CWC27: variants seen among roughly 807,000 people sequenced by gnomAD.
CWC27 encodes the protein spliceosome-associated protein CWC27 homolog.
In CWC27, 47 loss-of-function variants were observed where a neutral mutation model predicts 63.6. The observed-to-expected ratio is 0.74, with a 90% CI of 0.58 to 0.94. The LOEUF (loss-of-function observed/expected upper bound fraction) is 0.94, where lower values mean the gene tolerates loss of function less well. Ranked by LOEUF, CWC27 falls within the 40% of genes least tolerant of loss-of-function variation. The pLI, the probability that CWC27 is intolerant of heterozygous loss-of-function variation, is 0.00. For missense variants in CWC27, 495 were observed against 554.3 expected (o/e 0.89, Z 1.07); for synonymous variants, 175 against 179.8 (o/e 0.97, Z 0.22).
rs147441355 is a variant in CWC27, at chr5:65,009,456, T to A, written c.1257-8703T>A. On this transcript the variant is annotated intron_variant, in intron 13 of 13. Transcript: ENST00000381070. ...ATAAGCACAGTTTATATGCAACACA[T>A]AGACACACTATTATGGACTGAATTG... Among the ~76,000 whole-genome samples, 3 of 152,328 alleles carry A rather than the reference T, an allele frequency of 2.0e-5. No individual in the cohort carries two copies. In the East Asian group the frequency reaches 5.8e-4, roughly 29 times the overall value.
At chr5:64,966,806 T>C (rs1749022216) in intron 11 of CWC27, among the ~76,000 whole-genome samples, 1 of 152,140 alleles carries the variant, frequency 6.6e-6, no homozygotes, top group African/African-American at 2.4e-5. Context: ...GTTGATGCTA[T>C]TGATAATAGG....
At chr5:64,821,283 C>T (rs568442566) in intron 10 of CWC27, among the ~76,000 whole-genome samples, 1 of 152,196 alleles carries the variant, frequency 6.6e-6, no homozygotes, top group South Asian at 2.1e-4. Flanking sequence ...CGGGGTTTCA[C>T]CACGTTGGCC....
intron 13 of CWC27, among the ~76,000 whole-genome samples, chr5:64,979,240 A>C (rs1749288078): frequency 6.6e-6 from 1 of 152,256 alleles, no homozygotes; most frequent in African/African-American, 2.4e-5. Flanking sequence ...GTGGGGAACA[A>C]GTTAAAGGAA....
chr5:64,769,331 G>A, intron 1 of CWC27, 143 bp downstream of exon 1: 1 of 723,942 alleles, frequency 1.4e-6, no homozygotes, highest in Non-Finnish European at 2.5e-6. Context: ...TGTGGACAAT[G>A]TTGCATCGAA....
chr5:64,801,774 T>C (rs1216913720), intron 9 of CWC27, among the ~76,000 whole-genome samples: 1 of 152,192 alleles, frequency 6.6e-6, no homozygotes, highest in East Asian at 1.9e-4. Context: ...AAGAGTGTAG[T>C]GATCTTTATT....
chr5:64,847,008 A>AAG (rs1554072338), intron 10 of CWC27, among the ~76,000 whole-genome samples: 1 of 151,608 alleles, frequency 6.6e-6, no homozygotes, highest in Non-Finnish European at 1.5e-5. Context: ...AAAAAAAAAA[A>AAG]AAAGAAAAAG....
intron 13 of CWC27, among the ~76,000 whole-genome samples, chr5:64,990,620 AGT>A (rs1749522366): frequency 6.6e-6 from 1 of 152,162 alleles, no homozygotes; most frequent in South Asian, 2.1e-4. Context: ...TCTAATTTCC[AGT>A]ATAGGAAATT....
At chr5:64,789,550 G>A (rs907524757) in intron 7 of CWC27, among the ~76,000 whole-genome samples, 3 of 152,026 alleles carry the variant, frequency 2.0e-5, no homozygotes, top group African/African-American at 4.8e-5. Flanking sequence ...GGAACTGAAC[G>A]CAGGTCTTTG....
intron 10 of CWC27, among the ~76,000 whole-genome samples, chr5:64,821,172 A>G (rs1242507697): frequency 6.7e-6 from 1 of 149,514 alleles, no homozygotes; most frequent in Non-Finnish European, 1.5e-5. Context: ...GCAACCTCCA[A>G]CTCCATGGTT....
intron 11 of CWC27, among the ~76,000 whole-genome samples, chr5:64,896,771 G>C (rs1347647750): frequency 6.6e-6 from 1 of 151,904 alleles, no homozygotes; most frequent in East Asian, 1.9e-4. Flanking sequence ...AAGATGGCAT[G>C]AGAGATAGGA....
At chr5:64,925,740 A>G (rs77409257) in intron 11 of CWC27, among the ~76,000 whole-genome samples, 253 of 152,330 alleles carry the variant, frequency 1.7e-3, no homozygotes, top group Non-Finnish European at 1.7e-3. Context: ...AAAGTCCTCA[A>G]GTTCTGCAGT....
intron 10 of CWC27, among the ~76,000 whole-genome samples, chr5:64,869,366 G>A (rs1235270576): frequency 6.6e-6 from 1 of 152,014 alleles, no homozygotes; most frequent in African/African-American, 2.4e-5. Flanking sequence ...TTAAAAATAT[G>A]TTTTTATTAG....
chr5:64,883,082 C>A (rs1326572500), intron 10 of CWC27, among the ~76,000 whole-genome samples: 2 of 152,182 alleles, frequency 1.3e-5, no homozygotes, highest in Non-Finnish European at 2.9e-5. Context: ...GAAGACATCT[C>A]TTCACAGGGT....
In CWC27 at chr5:65,005,110, G is replaced by A. The variant is rs1410091879; in HGVS notation, c.1257-13049G>A. Among the ~76,000 whole-genome samples the A allele has an allele frequency of 4.0e-5, 6 of 151,642 alleles. No individual in the cohort carries two copies. The East Asian group carries it at 7.7e-4, about 20-fold the overall frequency. ...TTCTTTGGGTATAGGCACACCAGGT[G>A]GGTTGATCCATGGGTACCAGTACTG... On this transcript the variant is annotated intron_variant, in intron 13 of 13. Transcript: ENST00000381070.
intron 4 of CWC27, among the ~76,000 whole-genome samples, chr5:64,785,064 A>G: frequency 6.6e-6 from 1 of 152,184 alleles, no homozygotes; most frequent in East Asian, 1.9e-4. Context: ...GAAGGATAAT[A>G]TTAGTTCCTA....
At chr5:65,001,563 C>T (rs1273043191) in intron 13 of CWC27, among the ~76,000 whole-genome samples, 1 of 151,948 alleles carries the variant, frequency 6.6e-6, no homozygotes, top group Non-Finnish European at 1.5e-5. Context: ...TTTCTTGCAT[C>T]GATCAAGACA....
chr5:64,800,418 T>C (rs1353482645), intron 8 of CWC27, 91 bp downstream of exon 8: 1 of 860,206 alleles, frequency 1.2e-6, no homozygotes, highest in Non-Finnish European at 1.8e-6. Flanking sequence ...TCAGTCCTCA[T>C]AAGTCAAAAA....
intron 11 of CWC27, among the ~76,000 whole-genome samples, chr5:64,904,284 A>C (rs1019591115): frequency 6.6e-6 from 1 of 152,214 alleles, no homozygotes; most frequent in African/African-American, 2.4e-5. Context: ...TGACTCCAAA[A>C]TTAACAGGCT....
At chr5:64,794,832 T>C (rs544877819) in intron 7 of CWC27, among the ~76,000 whole-genome samples, 2 of 152,280 alleles carry the variant, frequency 1.3e-5, no homozygotes, top group Admixed American at 1.3e-4. Flanking sequence ...AACTGAAATA[T>C]AAATGTCAGG....
Sources: allele counts gnomAD v4.1 joint callset (sites outside exome capture counted in the v4.1 genomes callset), GRCh38; gene constraint gnomAD v4.1.1; transcripts MANE v1.5; gene names NCBI Gene and HGNC (gene_info 2026-07-23, HGNC 2026-07-21).